The following SCIN variants were observed in gnomAD, a reference collection of about 807,000 sequenced individuals.
SCIN encodes scinderin, also known as adseverin.
SCIN carries 91 observed loss-of-function variants against 91.8 expected under a neutral mutation model. The ratio of observed to expected loss-of-function variants is 0.99; its 90% CI spans 0.84 to 1.18. The LOEUF (loss-of-function observed/expected upper bound fraction) is 1.18. SCIN is among the 50% of genes most tolerant of loss of function. SCIN has a pLI of 0.00. For missense variants in SCIN, 1,087 were observed against 863.9 expected (o/e 1.26, Z -3.24); for synonymous variants, 367 against 312.6 (o/e 1.17, Z -1.84).
chr7:12,609,527 C>CA (rs913908674), intron 4 of SCIN, among the ~76,000 whole-genome samples: 6 of 150,490 alleles, frequency 4.0e-5, no homozygotes, highest in African/African-American at 7.3e-5. Context: ...AACAAACAAA[C>CA]AAAAAAAACC....
intron 11 of SCIN, among the ~76,000 whole-genome samples, chr7:12,642,907 T>C (rs1241116775): frequency 2.0e-5 from 3 of 152,158 alleles, no homozygotes; most frequent in South Asian, 2.1e-4. Flanking sequence ...CATTCAGTCA[T>C]ATGGTTTAAA....
At position 12,656,741 on chromosome 7, in the gene SCIN, G is replaced by C. The variant is rs1784168762; in HGVS notation, c.*4026G>C. ...GTCCGAGACCAGCCTGACCAACATAGTGAAACCCCGTCTCTACTAAAAATA... is the reference window on the plus strand; with the variant it reads ...GTCCGAGACCAGCCTGACCAACATACTGAAACCCCGTCTCTACTAAAAATA... On this transcript the variant is annotated 3_prime_UTR_variant, in exon 16 of 16. Coordinates refer to ENST00000297029, the MANE Select transcript of SCIN (RefSeq NM_001112706.3). The C allele has an allele frequency of 6.6e-6, 1 of 152,200 alleles. No individual in the cohort carries two copies. The highest frequency in any genetic ancestry group is 2.4e-5 in the African/African-American group (1 of 41,436). 9.4% of individuals were successfully genotyped at this position (152,200 alleles called of 1,614,324 possible). A position where few individuals can be genotyped will look rare whatever the true frequency, so the allele number is the denominator to read the frequency against.
chr7:12,573,345 T>C (rs1341702183), intron 1 of SCIN, among the ~76,000 whole-genome samples: 3 of 152,026 alleles, frequency 2.0e-5, no homozygotes, highest in African/African-American at 7.2e-5. Flanking sequence ...GTGCATAGCA[T>C]AGAAATGAAG....
intron 15 of SCIN, among the ~76,000 whole-genome samples, chr7:12,652,272 T>C (rs999441093): frequency 9.9e-5 from 15 of 152,220 alleles, no homozygotes; most frequent in African/African-American, 3.1e-4. Flanking sequence ...TACTGAAACG[T>C]ATAACAATAA....
chr7:12,585,207 G>A (rs1024432983), intron 3 of SCIN, among the ~76,000 whole-genome samples: 2 of 151,986 alleles, frequency 1.3e-5, no homozygotes, highest in African/African-American at 2.4e-5. Flanking sequence ...TATGGGCATC[G>A]ATGACCCCTG....
intron 11 of SCIN, among the ~76,000 whole-genome samples, chr7:12,640,795 G>A (rs990326463): frequency 6.6e-6 from 1 of 152,202 alleles, no homozygotes; most frequent in African/African-American, 2.4e-5. Context: ...GCGTGAGGCT[G>A]CTTAAGCTCC....
At chr7:12,650,195 T>C (rs951274073) in intron 14 of SCIN, among the ~76,000 whole-genome samples, 1 of 152,182 alleles carries the variant, frequency 6.6e-6, no homozygotes, top group African/African-American at 2.4e-5. Flanking sequence ...ATTGTTCCTT[T>C]TAAGTTTGTT....
At chr7:12,599,728 T>C (rs965120545) in intron 3 of SCIN, among the ~76,000 whole-genome samples, 2 of 151,926 alleles carry the variant, frequency 1.3e-5, no homozygotes, top group Non-Finnish European at 2.9e-5. Context: ...AGGAGTGAGG[T>C]GGTATCGCAT....
intron 4 of SCIN, among the ~76,000 whole-genome samples, chr7:12,613,600 A>G (rs1783240300): frequency 6.6e-6 from 1 of 152,186 alleles, no homozygotes; most frequent in South Asian, 2.1e-4. Context: ...CTGTTTTTCC[A>G]GAGCCTAGAA....
intron 14 of SCIN, 50 bp downstream of exon 14, chr7:12,649,594 A>G: frequency 7.9e-7 from 1 of 1,259,524 alleles, no homozygotes; most frequent in Non-Finnish European, 1.1e-6. Flanking sequence ...TGGTTGGGAG[A>G]TGACAGAACT....
At chr7:12,598,643 A>G (rs898178628) in intron 3 of SCIN, among the ~76,000 whole-genome samples, 2 of 152,240 alleles carry the variant, frequency 1.3e-5, no homozygotes, top group African/African-American at 2.4e-5. Context: ...CTGTAACCCC[A>G]GCACTTTGGG....
intron 4 of SCIN, among the ~76,000 whole-genome samples, chr7:12,605,339 C>A (rs533641515): frequency 3.3e-5 from 5 of 152,070 alleles, no homozygotes; most frequent in African/African-American, 4.8e-5. Flanking sequence ...ATGAGCCACC[C>A]TGCCCGGCCT....
chr7:12,647,444 A>T (rs1287384944), intron 13 of SCIN, among the ~76,000 whole-genome samples: 2 of 152,188 alleles, frequency 1.3e-5, no homozygotes, highest in African/African-American at 2.4e-5. Flanking sequence ...TTTTAGAACC[A>T]ATCTGCCCAT....
chr7:12,598,286 G>A (rs1469380035), intron 3 of SCIN, among the ~76,000 whole-genome samples: 1 of 152,122 alleles, frequency 6.6e-6, no homozygotes, highest in African/African-American at 2.4e-5. Context: ...AGAGTAAGGT[G>A]AATTAAGAAC....
intron 10 of SCIN, among the ~76,000 whole-genome samples, chr7:12,637,997 G>C (rs1428046625): frequency 6.6e-6 from 1 of 152,166 alleles, no homozygotes; most frequent in African/African-American, 2.4e-5. Context: ...AGAGACTGCT[G>C]TTTCTAGCCT....
chr7:12,622,744 T>G, intron 4 of SCIN, 57 bp from the exon 5 acceptor site: 1 of 1,178,084 alleles, frequency 8.5e-7, no homozygotes, highest in Admixed American at 1.8e-5. Flanking sequence ...TTTTTCTAAC[T>G]CTGCATCCTT....
In SCIN at chr7:12,622,824, T is replaced by C; in HGVS notation, c.690T>C (p.Leu230=). Residue 230 remains leucine, a synonymous_variant, in exon 5 of 16, where the codon CTT becomes CTC. Coordinates refer to ENST00000297029, the MANE Select transcript of SCIN (RefSeq NM_001112706.3). Reference sequence around the variant, plus strand: ...AGGTCTTAGGGGAAAAGCCAGAGCTTCCAGATGGAGGTGATGATGATGACA... The same window carrying C: ...AGGTCTTAGGGGAAAAGCCAGAGCTCCCAGATGGAGGTGATGATGATGACA... ...LIKVLGEKPE[L]PDGGDDDDII... is the part of the protein sequence containing the mutation. 3 of 1,613,172 alleles carry C rather than the reference T, an allele frequency of 1.9e-6. No individual in the cohort carries two copies. The highest frequency in any genetic ancestry group is 2.5e-6 in the Non-Finnish European group (3 of 1,179,374).
At chr7:12,611,140 T>A (rs1783182889) in intron 4 of SCIN, 1 of 152,126 alleles carries the variant, frequency 6.6e-6, no homozygotes, top group African/African-American at 2.4e-5. Flanking sequence ...TGCTCTGGAC[T>A]AAAGGTGAAT....
chr7:12,601,200 A>T (rs947567952), intron 3 of SCIN, among the ~76,000 whole-genome samples: 1 of 152,150 alleles, frequency 6.6e-6, no homozygotes, highest in Non-Finnish European at 1.5e-5. Context: ...GTCATCAGGA[A>T]TGTTAAGCGG....
Sources: allele counts gnomAD v4.1 joint callset (sites outside exome capture counted in the v4.1 genomes callset), GRCh38; gene constraint gnomAD v4.1.1; transcripts MANE v1.5; gene names NCBI Gene and HGNC (gene_info 2026-07-23, HGNC 2026-07-21).